Variants in EYS observed in about 807,000 individuals in gnomAD.
EYS encodes the protein EGF-like photoreceptor maintenance factor.
In EYS, 250 loss-of-function variants were observed where a neutral mutation model predicts 282.1. The ratio of observed to expected loss-of-function variants is 0.89; its 90% CI spans 0.80 to 0.98. EYS has a LOEUF of 0.98. Among genes scored for constraint, EYS ranks in the 50% least tolerant of loss-of-function variants. The probability of loss-of-function intolerance (pLI) is 0.00; values close to 1 mark genes in which losing one functional copy is unlikely to be tolerated. For missense variants in EYS, 4,016 were observed against 3,709.0 expected, an observed-to-expected ratio of 1.08 and a Z score of -2.15; for synonymous variants, 1,355 against 1,282.9, an observed-to-expected ratio of 1.06 and a Z score of -1.20.
chr6:65,464,688 G>A (rs906666825), intron 5 of EYS, among the ~76,000 whole-genome samples: 1 of 151,828 alleles, frequency 6.6e-6, no homozygotes, highest in African/African-American at 2.4e-5. Context: ...AACTCCATAT[G>A]ATACTCCAAG....
chr6:64,882,357 A>G (rs913215103), intron 19 of EYS, among the ~76,000 whole-genome samples: 1 of 151,830 alleles, frequency 6.6e-6, no homozygotes, highest in Non-Finnish European at 1.5e-5. Context: ...TATGGAATTC[A>G]TTATGACACA....
chr6:65,479,464 C>T (rs187256141), intron 5 of EYS, among the ~76,000 whole-genome samples: 2 of 152,210 alleles, frequency 1.3e-5, no homozygotes, highest in Admixed American at 1.3e-4. Flanking sequence ...AACCAAGAAA[C>T]ACTAGCATTG....
chr6:65,247,748 G>A (rs1767216511), intron 12 of EYS, among the ~76,000 whole-genome samples: 1 of 152,008 alleles, frequency 6.6e-6, no homozygotes, highest in African/African-American at 2.4e-5. Context: ...ACTTTGGCTA[G>A]AATCACTCCA....
At chr6:65,647,014 C>T (rs977909021) in intron 1 of EYS, among the ~76,000 whole-genome samples, 8 of 152,112 alleles carry the variant, frequency 5.3e-5, no homozygotes, top group East Asian at 1.9e-4. Flanking sequence ...AAATCACAGA[C>T]GATACAAACA....
chr6:65,626,210 A>G (rs1766684623), intron 2 of EYS, among the ~76,000 whole-genome samples: 1 of 152,316 alleles, frequency 6.6e-6, no homozygotes, highest in African/African-American at 2.4e-5. Flanking sequence ...TTTGAGGTCT[A>G]AAATCTCACA....
intron 30 of EYS, among the ~76,000 whole-genome samples, chr6:64,281,952 GA>G (rs1394854527): frequency 6.6e-6 from 1 of 152,030 alleles, no homozygotes; most frequent in Non-Finnish European, 1.5e-5. Flanking sequence ...ATATTTTTAG[GA>G]GATAAAATTG....
At chr6:64,516,218 C>A (rs1777556184) in intron 26 of EYS, among the ~76,000 whole-genome samples, 1 of 150,132 alleles carries the variant, frequency 6.7e-6, no homozygotes, top group African/African-American at 2.4e-5. Context: ...TAACAGATAC[C>A]AGGCTTAATA....
chr6:65,263,280 G>A (rs1767665328), intron 12 of EYS, among the ~76,000 whole-genome samples: 1 of 151,958 alleles, frequency 6.6e-6, no homozygotes, highest in Non-Finnish European at 1.5e-5. Flanking sequence ...GGTTGAGGCT[G>A]CAGTGAGCTA....
At chr6:64,899,264 C>T (rs1767572991) in intron 18 of EYS, among the ~76,000 whole-genome samples, 1 of 152,146 alleles carries the variant, frequency 6.6e-6, no homozygotes, top group East Asian at 1.9e-4. Context: ...TCTCAGACCA[C>T]AGTGCAACAA....
At chr6:64,689,479 T>C (rs1210138289) in intron 22 of EYS, among the ~76,000 whole-genome samples, 2 of 151,654 alleles carry the variant, frequency 1.3e-5, no homozygotes, top group Admixed American at 1.3e-4. Flanking sequence ...AAAACTACTT[T>C]AAAGTTCATA....
chr6:65,081,135 T>C (rs1774220826), intron 12 of EYS, among the ~76,000 whole-genome samples: 1 of 152,122 alleles, frequency 6.6e-6, no homozygotes. Flanking sequence ...AAATGGTGAA[T>C]ACATATTTTT....
intron 19 of EYS, among the ~76,000 whole-genome samples, chr6:64,869,069 C>G (rs544320097): frequency 2.9e-4 from 44 of 151,402 alleles, no homozygotes; most frequent in Admixed American, 5.3e-4. Flanking sequence ...TCAGTTGTGA[C>G]TTCTCAGTTA....
chr6:64,287,377 TTA>T (rs573231064), intron 30 of EYS, among the ~76,000 whole-genome samples: 190 of 152,296 alleles, frequency 1.2e-3, no homozygotes, highest in African/African-American at 4.4e-3. Flanking sequence ...GCTTGGGATT[TTA>T]TCTACAATTT....
intron 2 of EYS, among the ~76,000 whole-genome samples, chr6:65,580,162 A>G (rs1349046114): frequency 6.6e-6 from 1 of 152,174 alleles, no homozygotes; most frequent in African/African-American, 2.4e-5. Context: ...AGGAAGGAAC[A>G]GCCCATTAAA....
At chr6:64,162,272 G>A (rs75832316) in intron 31 of EYS, among the ~76,000 whole-genome samples, 4,696 of 152,190 alleles carry the variant, frequency 0.031, 239 homozygotes, top group African/African-American at 0.11. Context: ...TATTTCTGTG[G>A]TTATTTGATT....
intron 5 of EYS, among the ~76,000 whole-genome samples, chr6:65,472,381 T>G (rs2127242344): frequency 6.6e-6 from 1 of 152,154 alleles, no homozygotes; most frequent in East Asian, 1.9e-4. Context: ...ATAATTATTT[T>G]GCAAATTATA....
At chr6:65,182,947 C>T (rs1765428205) in intron 12 of EYS, among the ~76,000 whole-genome samples, 1 of 151,730 alleles carries the variant, frequency 6.6e-6, no homozygotes. Flanking sequence ...CACCACCACG[C>T]CTGGCTGATT....
intron 28 of EYS, among the ~76,000 whole-genome samples, chr6:64,412,937 G>A (rs1231785324): frequency 6.6e-6 from 1 of 152,050 alleles, no homozygotes; most frequent in Non-Finnish European, 1.5e-5. Flanking sequence ...ATGGAGAAGT[G>A]CTAACTAATT....
chr6:65,324,926 A>C (rs947181424), intron 11 of EYS, among the ~76,000 whole-genome samples: 2 of 152,224 alleles, frequency 1.3e-5, no homozygotes, highest in African/African-American at 4.8e-5. Context: ...GTGACAAAGC[A>C]TGGCCTTTAA....
Sources: gnomAD v4.1 joint callset for allele counts (sites outside exome capture counted in the v4.1 genomes callset) on GRCh38, gnomAD v4.1.1 for gene constraint, MANE v1.5 for transcripts, NCBI Gene and HGNC (gene_info 2026-07-23, HGNC 2026-07-21) for gene names.